Variants in LDAH observed in about 807,000 individuals in gnomAD.
LDAH encodes the protein lipid droplet-associated hydrolase.
In LDAH, 26 loss-of-function variants were observed where a neutral mutation model predicts 29.6. That is an observed-to-expected ratio of 0.88 (90% CI 0.64 to 1.22). LDAH has a LOEUF of 1.22. LDAH is among the 50% of genes most tolerant of loss of function. The pLI is 0.00. For missense variants in LDAH, 344 were observed against 387.3 expected, an observed-to-expected ratio of 0.89 and a Z score of 0.94; for synonymous variants, 117 against 133.0, an observed-to-expected ratio of 0.88 and a Z score of 0.83.
intron 3 of LDAH, among the ~76,000 whole-genome samples, chr2:20,786,899 A>T (rs567805224): frequency 6.6e-6 from 1 of 152,276 alleles, no homozygotes; most frequent in South Asian, 2.1e-4. Context: ...AAGCCATGTT[A>T]TTGAGAATAT....
At chr2:20,744,842 C>T (rs1667460363) in intron 4 of LDAH, among the ~76,000 whole-genome samples, 1 of 152,098 alleles carries the variant, frequency 6.6e-6, no homozygotes, top group African/African-American at 2.4e-5. Context: ...TCCTATAATT[C>T]ATCAATTACA....
intron 5 of LDAH, among the ~76,000 whole-genome samples, chr2:20,709,311 C>T (rs578077419): frequency 6.6e-6 from 1 of 151,806 alleles, no homozygotes; most frequent in East Asian, 1.9e-4. Flanking sequence ...CAAATATTTC[C>T]AAATCCAAAA....
At chr2:20,757,610 A>C (rs1273476841) in intron 4 of LDAH, among the ~76,000 whole-genome samples, 1 of 152,190 alleles carries the variant, frequency 6.6e-6, no homozygotes, top group African/African-American at 2.4e-5. Context: ...ATATTTGGTC[A>C]AACAATTTGG....
At chr2:20,725,443 C>T (rs184748252) in intron 5 of LDAH, among the ~76,000 whole-genome samples, 38 of 152,312 alleles carry the variant, frequency 2.5e-4, no homozygotes, top group Admixed American at 6.5e-4. Flanking sequence ...AGGGTTACAA[C>T]GCCTGAAGGC....
chr2:20,711,395 A>T (rs1429561487), intron 5 of LDAH, among the ~76,000 whole-genome samples: 1 of 151,990 alleles, frequency 6.6e-6, no homozygotes, highest in Non-Finnish European at 1.5e-5. Flanking sequence ...AAAAAAAAAA[A>T]AAAAGAGTAG....
chr2:20,729,343 A>G (rs1408536255), intron 5 of LDAH, among the ~76,000 whole-genome samples: 1 of 152,246 alleles, frequency 6.6e-6, no homozygotes, highest in Non-Finnish European at 1.5e-5. Flanking sequence ...ATTATATGTT[A>G]TATGTGACAT....
chr2:20,705,671 A>C (rs749886241), intron 5 of LDAH, among the ~76,000 whole-genome samples: 3 of 152,218 alleles, frequency 2.0e-5, no homozygotes, highest in African/African-American at 7.2e-5. Flanking sequence ...TGCTTATAGT[A>C]TGAAAAAGAA....
At chr2:20,797,443 G>A (rs541752101) in intron 2 of LDAH, among the ~76,000 whole-genome samples, 58 of 152,300 alleles carry the variant, frequency 3.8e-4, no homozygotes, top group South Asian at 1.7e-3. Context: ...CTGGAAATCC[G>A]TCAATGAAAT....
intron 1 of LDAH, among the ~76,000 whole-genome samples, chr2:20,817,925 A>G (rs1672963165): frequency 2.6e-5 from 4 of 152,176 alleles, no homozygotes; most frequent in Non-Finnish European, 4.4e-5. Flanking sequence ...ACAAAATTAT[A>G]GAGATAGAGC....
chr2:20,810,511 G>C (rs1188803530), intron 1 of LDAH, among the ~76,000 whole-genome samples: 1 of 152,210 alleles, frequency 6.6e-6, no homozygotes, highest in African/African-American at 2.4e-5. Flanking sequence ...AGTAGAAGAA[G>C]TGTCAAAGTC....
intron 4 of LDAH, among the ~76,000 whole-genome samples, chr2:20,754,200 T>C (rs1396348875): frequency 1.3e-5 from 2 of 151,894 alleles, no homozygotes; most frequent in East Asian, 1.9e-4. Flanking sequence ...AAAAGTAAAG[T>C]ACGCAGGCTG....
At chr2:20,761,086 T>TC (rs199905453) in intron 4 of LDAH, among the ~76,000 whole-genome samples, 1,965 of 152,312 alleles carry the variant, frequency 0.013, 39 homozygotes, top group African/African-American at 0.044. Flanking sequence ...TTAGTATTGC[T>TC]CCTTTGGATG....
At chr2:20,746,007 T>C (rs1368220110) in intron 4 of LDAH, among the ~76,000 whole-genome samples, 1 of 152,148 alleles carries the variant, frequency 6.6e-6, no homozygotes, top group Non-Finnish European at 1.5e-5. Flanking sequence ...GGGAAGAGCA[T>C]GTGCAGAGGC....
At chr2:20,792,876 A>G (rs1671068884) in intron 2 of LDAH, among the ~76,000 whole-genome samples, 1 of 152,200 alleles carries the variant, frequency 6.6e-6, no homozygotes, top group African/African-American at 2.4e-5. Context: ...CTATGTAACA[A>G]ACGTGCACAT....
chr2:20,808,386 G>T (rs1019484365), intron 1 of LDAH, among the ~76,000 whole-genome samples: 4 of 152,134 alleles, frequency 2.6e-5, no homozygotes, highest in Non-Finnish European at 5.9e-5. Context: ...ACAAGGCCGG[G>T]CGCGGTGGCT....
chr2:20,694,162 C>CT (rs1418947029), intron 6 of LDAH, among the ~76,000 whole-genome samples: 1 of 151,872 alleles, frequency 6.6e-6, no homozygotes, highest in East Asian at 1.9e-4. Flanking sequence ...AGCTAGGGCC[C>CT]CTACCCTGCC....
chr2:20,765,563 TG>T (rs1394334798), intron 4 of LDAH, among the ~76,000 whole-genome samples: 2 of 152,268 alleles, frequency 1.3e-5, no homozygotes, highest in South Asian at 2.1e-4. Context: ...CACAATTCTG[TG>T]GGTCAGGAAT....
Position 20,732,307 on chromosome 2 carries a change from T to G in LDAH, c.703+7664A>C, listed in dbSNP as rs1190434239. Among the ~76,000 whole-genome samples, 4 of 152,152 alleles carry G rather than the reference T, an allele frequency of 2.6e-5. No individual in the cohort carries two copies. In the East Asian group the frequency reaches 7.7e-4, roughly 29 times the overall value. ...GTTTGCTAATATTTTATTAGAGATG[T>G]TTGTCTCTATACTCATAGGGGATAC... On this transcript the variant is annotated intron_variant, in intron 5 of 6. Coordinates refer to ENST00000237822, the MANE Select transcript of LDAH (RefSeq NM_021925.4).
chr2:20,707,606 G>T (rs776427991), intron 5 of LDAH, among the ~76,000 whole-genome samples: 5 of 152,196 alleles, frequency 3.3e-5, no homozygotes, highest in Non-Finnish European at 5.9e-5. Flanking sequence ...CTGCAGAGGG[G>T]ACCCCCTGAA....
Sources: allele counts gnomAD v4.1 joint callset (sites outside exome capture counted in the v4.1 genomes callset), GRCh38; gene constraint gnomAD v4.1.1; transcripts MANE v1.5; gene names NCBI Gene and HGNC (gene_info 2026-07-23, HGNC 2026-07-21).